EPB41L3: variants seen among roughly 807,000 people sequenced by gnomAD.
The protein encoded by EPB41L3 is erythrocyte membrane protein band 4.1 like 3.
A neutral mutation model predicts 127.1 loss-of-function variants in EPB41L3; 57 were observed. That is an observed-to-expected ratio of 0.45 (90% CI 0.36 to 0.56). EPB41L3 has a LOEUF of 0.56. EPB41L3 is among the 20% of genes least tolerant of loss of function. The pLI, the probability that EPB41L3 is intolerant of heterozygous loss-of-function variation, is 0.00. For missense variants in EPB41L3, 1,273 were observed against 1,372.2 expected (o/e 0.93, Z 1.14); for synonymous variants, 572 against 549.5 (o/e 1.04, Z -0.57).
At chr18:5,426,801 T>C (rs1047071257) in intron 9 of EPB41L3, among the ~76,000 whole-genome samples, 2 of 152,198 alleles carry the variant, frequency 1.3e-5, no homozygotes, top group African/African-American at 4.8e-5. Flanking sequence ...TGTCTGACAA[T>C]AAATAGGTGC....
At chr18:5,484,504 T>A (rs1349729814) in intron 2 of EPB41L3, among the ~76,000 whole-genome samples, 1 of 145,182 alleles carries the variant, frequency 6.9e-6, no homozygotes, top group African/African-American at 2.6e-5. Flanking sequence ...AGAGCAGAAA[T>A]AAATGAAATT....
At chr18:5,418,015 G>A (rs780017077) in intron 12 of EPB41L3, among the ~76,000 whole-genome samples, 1 of 152,138 alleles carries the variant, frequency 6.6e-6, no homozygotes, top group Non-Finnish European at 1.5e-5. Flanking sequence ...CTTTCATTTT[G>A]GTTGAAAAGT....
chr18:5,477,575 T>C (rs997085747), intron 3 of EPB41L3, among the ~76,000 whole-genome samples: 2 of 152,208 alleles, frequency 1.3e-5, no homozygotes, highest in Admixed American at 1.3e-4. Context: ...TCCTCCCTGA[T>C]ACTCAGAGAA....
intron 7 of EPB41L3, 63 bp downstream of exon 7, chr18:5,433,840 G>A: frequency 6.5e-7 from 1 of 1,529,332 alleles, no homozygotes; most frequent in South Asian, 1.1e-5. Context: ...GGAAGAGGTG[G>A]GTTGTGTGCG....
intron 3 of EPB41L3, among the ~76,000 whole-genome samples, chr18:5,566,807 C>CCAT (rs1395772906): frequency 6.9e-6 from 1 of 145,888 alleles, no homozygotes; most frequent in East Asian, 2.1e-4. Flanking sequence ...CCATTCCATT[C>CCAT]TAATTTTATT....
At chr18:5,508,298 G>A (rs1451029547) in intron 1 of EPB41L3, 2 of 152,084 alleles carry the variant, frequency 1.3e-5, no homozygotes, top group Non-Finnish European at 2.9e-5. Flanking sequence ...GGGACAAAAG[G>A]GAATGATTTA....
intron 12 of EPB41L3, among the ~76,000 whole-genome samples, chr18:5,417,424 GGGGA>G (rs1450161169): frequency 6.6e-6 from 1 of 152,148 alleles, no homozygotes; most frequent in African/African-American, 2.4e-5. Flanking sequence ...TGGACAAGAA[GGGGA>G]GGAAGGAAAG....
chr18:5,416,480 A>C, intron 12 of EPB41L3, 102 bp from the exon 13 acceptor site: 1 of 1,298,060 alleles, frequency 7.7e-7, no homozygotes, highest in Non-Finnish European at 1.0e-6. Context: ...GTATCAATAT[A>C]AAATTGTAAA....
rs1410828546 is a variant in EPB41L3 at position 5,628,587 on chromosome 18, TC to T, written c.-468+334del. Among the ~76,000 whole-genome samples, 6 of 152,176 alleles carry T rather than the reference TC, an allele frequency of 3.9e-5. No homozygotes were observed. In the East Asian group the frequency reaches 1.2e-3, roughly 30 times the overall value. On this transcript the variant is annotated intron_variant, in intron 1 of 21. Transcript: ENST00000545076. ...TTGTCTTGTGGACGCCGCCCTTCGC[TC>T]CCGGGAGGATTTCGCCTCCAGCACC...
At chr18:5,522,271 A>T (rs2093024702) in intron 1 of EPB41L3, among the ~76,000 whole-genome samples, 1 of 151,018 alleles carries the variant, frequency 6.6e-6, no homozygotes, top group Admixed American at 6.6e-5. Flanking sequence ...GCTCAGCTAA[A>T]TTTTTTTGTT....
At chr18:5,628,546 G>A (rs2144368320) in intron 1 of EPB41L3, among the ~76,000 whole-genome samples, 1 of 152,310 alleles carries the variant, frequency 6.6e-6, no homozygotes, top group East Asian at 1.9e-4. Context: ...GCCAGAGCCC[G>A]GCGTCTTCCC....
At chr18:5,615,505 T>G (rs1183718881) in intron 1 of EPB41L3, among the ~76,000 whole-genome samples, 1 of 152,172 alleles carries the variant, frequency 6.6e-6, no homozygotes, top group Non-Finnish European at 1.5e-5. Flanking sequence ...GACCTACTAT[T>G]TGAGAACACT....
rs191073549 is a variant in EPB41L3 at position 5,610,449 on chromosome 18, G to T, written c.-306+1891C>A. The stretch of plus-strand genomic sequence containing the variant: ...TCTCTCATGAACATTTTCATTAACA[G>T]ATGCAAATAAGAGATATACACCCAA... On this transcript the variant is annotated intron_variant, in intron 3 of 21. Transcript: ENST00000545076. Among the ~76,000 whole-genome samples the T allele has an allele frequency of 2.5e-4, 38 of 152,206 alleles. No homozygotes were observed. In the East Asian group the frequency reaches 7.3e-3, roughly 29 times the overall value.
chr18:5,430,119 A>C (rs1472335047), intron 8 of EPB41L3, among the ~76,000 whole-genome samples: 1 of 152,210 alleles, frequency 6.6e-6, no homozygotes, highest in Non-Finnish European at 1.5e-5. Context: ...TCACCCGTTA[A>C]TTCTTTGAAT....
chr18:5,518,554 G>A (rs1271029055), intron 1 of EPB41L3: 1 of 152,164 alleles, frequency 6.6e-6, no homozygotes, highest in Admixed American at 6.5e-5. Context: ...GAACAGCAGG[G>A]GTTTGTATCT....
At chr18:5,540,417 G>C (rs2093686702) in intron 1 of EPB41L3, 1 of 985,296 alleles carries the variant, frequency 1.0e-6, no homozygotes, top group South Asian at 4.7e-5. Flanking sequence ...AGATGCTTCA[G>C]ATGGTCTGGT....
intron 12 of EPB41L3, 31 bp downstream of exon 12, chr18:5,419,680 C>A (rs2077231641): frequency 6.2e-7 from 1 of 1,611,858 alleles, no homozygotes; most frequent in Non-Finnish European, 8.5e-7. Flanking sequence ...AAAGCTGGAG[C>A]AAGCTCTTGC....
intron 3 of EPB41L3, among the ~76,000 whole-genome samples, chr18:5,581,334 T>C (rs2094391398): frequency 6.6e-6 from 1 of 152,208 alleles, no homozygotes; most frequent in African/African-American, 2.4e-5. Context: ...TTTACCCTTA[T>C]AGTGTCTAAT....
At chr18:5,528,363 G>A (rs747368602) in intron 1 of EPB41L3, among the ~76,000 whole-genome samples, 7 of 151,796 alleles carry the variant, frequency 4.6e-5, no homozygotes, top group Non-Finnish European at 8.8e-5. Context: ...TTTTGTAGAG[G>A]TGGGGTCTCA....
Sources: allele counts gnomAD v4.1 joint callset (sites outside exome capture counted in the v4.1 genomes callset), GRCh38; gene constraint gnomAD v4.1.1; transcripts MANE v1.5; gene names NCBI Gene and HGNC (gene_info 2026-07-23, HGNC 2026-07-21).